The following KLHL1 variants were observed in gnomAD, a reference collection of about 807,000 sequenced individuals.
KLHL1 encodes kelch-like protein 1.
In KLHL1, 47 loss-of-function variants were observed where a neutral mutation model predicts 77.7. That is an observed-to-expected ratio of 0.60 (90% CI 0.48 to 0.77). KLHL1 has a LOEUF of 0.77. KLHL1 is among the 30% of genes least tolerant of loss of function. KLHL1 has a pLI of 0.00. For missense variants in KLHL1, 925 were observed against 910.8 expected, an observed-to-expected ratio of 1.02 and a Z score of -0.20; for synonymous variants, 360 against 325.2, an observed-to-expected ratio of 1.11 and a Z score of -1.15.
At chr13:69,941,539 A>C in intron 3 of KLHL1, among the ~76,000 whole-genome samples, 1 of 152,102 alleles carries the variant, frequency 6.6e-6, no homozygotes, top group Admixed American at 6.6e-5. Context: ...CTAGGGTCAC[A>C]CCTCAAGGAA....
At chr13:69,754,544 T>C (rs576731085) in intron 7 of KLHL1, among the ~76,000 whole-genome samples, 3 of 152,186 alleles carry the variant, frequency 2.0e-5, no homozygotes, top group Non-Finnish European at 4.4e-5. Context: ...TATTTTACTT[T>C]CCAACTGGAT....
At chr13:69,954,610 T>C (rs1566441027) in intron 3 of KLHL1, among the ~76,000 whole-genome samples, 2 of 151,348 alleles carry the variant, frequency 1.3e-5, no homozygotes, top group Admixed American at 6.6e-5. Context: ...CCCTTACTCC[T>C]AAATATTAAA....
At chr13:69,951,279 C>T (rs77764462) in intron 3 of KLHL1, among the ~76,000 whole-genome samples, 1,561 of 151,484 alleles carry the variant, frequency 0.01, 27 homozygotes, top group African/African-American at 0.035. Context: ...AAAACTAAGA[C>T]AAAAGCCATA....
At chr13:69,980,718 A>G (rs1884682226) in intron 1 of KLHL1, among the ~76,000 whole-genome samples, 1 of 151,834 alleles carries the variant, frequency 6.6e-6, no homozygotes, top group Non-Finnish European at 1.5e-5. Context: ...ATAGATGTGC[A>G]TTTGTTACAT....
At chr13:69,763,959 T>C (rs931319194) in intron 7 of KLHL1, among the ~76,000 whole-genome samples, 1 of 152,174 alleles carries the variant, frequency 6.6e-6, no homozygotes, top group African/African-American at 2.4e-5. Flanking sequence ...TGTTTTCCTG[T>C]TTCCACCTTA....
chr13:69,753,782 T>C (rs1429044933), intron 7 of KLHL1, among the ~76,000 whole-genome samples: 1 of 152,106 alleles, frequency 6.6e-6, no homozygotes, highest in African/African-American at 2.4e-5. Context: ...ATTCCGTGTA[T>C]ACCAATATTA....
intron 1 of KLHL1, among the ~76,000 whole-genome samples, chr13:70,094,369 G>A (rs9572367): frequency 0.38 from 55,767 of 145,408 alleles, 11,899 homozygotes; most frequent in African/African-American, 0.56. Context: ...AAATTCACAT[G>A]AAACAAATAC....
At chr13:69,860,231 T>G (rs1241972153) in intron 5 of KLHL1, among the ~76,000 whole-genome samples, 1 of 152,032 alleles carries the variant, frequency 6.6e-6, no homozygotes, top group Non-Finnish European at 1.5e-5. Context: ...ATATACTTTC[T>G]ATACACAAGA....
chr13:69,734,437 TAAAG>T (rs1873683307), intron 8 of KLHL1, among the ~76,000 whole-genome samples: 1 of 152,000 alleles, frequency 6.6e-6, no homozygotes, highest in South Asian at 2.1e-4. Context: ...AACACAGTAA[TAAAG>T]AAAAATAAAC....
chr13:69,809,785 C>T (rs9634960), intron 6 of KLHL1, among the ~76,000 whole-genome samples: 56,574 of 151,560 alleles, frequency 0.37, 10,931 homozygotes, highest in African/African-American at 0.46. Context: ...CAAGACCCAT[C>T]CTTCCACTGT....
At chr13:69,938,402 T>C (rs1226066763) in intron 4 of KLHL1, among the ~76,000 whole-genome samples, 1 of 152,106 alleles carries the variant, frequency 6.6e-6, no homozygotes, top group Non-Finnish European at 1.5e-5. Flanking sequence ...CTGTTTTAAA[T>C]ATATTTTCCT....
intron 4 of KLHL1, among the ~76,000 whole-genome samples, chr13:69,919,853 G>C (rs1882575257): frequency 3.3e-5 from 5 of 152,086 alleles, no homozygotes; most frequent in Admixed American, 2.6e-4. Context: ...TTTCAGTTCT[G>C]ACTATTCCAT....
chr13:69,725,473 C>T (rs1873251552), intron 8 of KLHL1, among the ~76,000 whole-genome samples: 1 of 152,094 alleles, frequency 6.6e-6, no homozygotes, highest in African/African-American at 2.4e-5. Context: ...CATGGTTATA[C>T]CTAGTTAGTA....
At chr13:69,933,798 GA>G (rs371804751) in intron 4 of KLHL1, among the ~76,000 whole-genome samples, 41 of 148,796 alleles carry the variant, frequency 2.8e-4, no homozygotes, top group Admixed American at 4.0e-4. Flanking sequence ...AGAGAAGGGG[GA>G]AAAAAAAATA....
intron 8 of KLHL1, 130 bp from the exon 9 acceptor site, chr13:69,719,711 G>C: frequency 1.5e-6 from 1 of 658,820 alleles, no homozygotes; most frequent in South Asian, 2.1e-5. Flanking sequence ...TTTGCAGGGA[G>C]ATTTTGTTAA....
chr13:69,944,978 CTTTTTT>C (rs750774784), intron 3 of KLHL1, among the ~76,000 whole-genome samples: 23 of 79,860 alleles, frequency 2.9e-4, no homozygotes, highest in African/African-American at 1.1e-3. Flanking sequence ...TATAAAACTT[CTTTTTT>C]TTTTTTTTTT....
intron 1 of KLHL1, among the ~76,000 whole-genome samples, chr13:70,039,242 G>T (rs1280828945): frequency 1.5e-5 from 2 of 132,194 alleles, no homozygotes; most frequent in East Asian, 2.0e-4. Context: ...CTAATTTTTT[G>T]TTTGTTTGTT....
chr13:69,891,159 T>C (rs539127440), intron 4 of KLHL1, among the ~76,000 whole-genome samples: 5 of 152,064 alleles, frequency 3.3e-5, no homozygotes, highest in Non-Finnish European at 5.9e-5. Flanking sequence ...ATAAACCCTC[T>C]GCCGAGTTTT....
chr13:69,826,083 A>C (rs7336219), intron 6 of KLHL1, among the ~76,000 whole-genome samples: 2,206 of 152,312 alleles, frequency 0.014, 53 homozygotes, highest in African/African-American at 0.049. Flanking sequence ...AAAGACAAAT[A>C]CAGAATGATC....
Sources: gnomAD v4.1 joint callset for allele counts (sites outside exome capture counted in the v4.1 genomes callset) on GRCh38, gnomAD v4.1.1 for gene constraint, MANE v1.5 for transcripts, NCBI Gene and HGNC (gene_info 2026-07-23, HGNC 2026-07-21) for gene names.